The following PPP1R21 variants were observed in gnomAD, a reference collection of about 807,000 sequenced individuals.
The protein encoded by PPP1R21 is protein phosphatase 1 regulatory subunit 21.
Under a neutral mutation model 112.8 loss-of-function variants are expected in PPP1R21, and 85 were observed. That is an observed-to-expected ratio of 0.75 (90% confidence interval 0.63 to 0.90). The LOEUF (loss-of-function observed/expected upper bound fraction) is 0.90, where lower values mean the gene tolerates loss of function less well. Ranked by LOEUF, PPP1R21 falls within the 40% of genes least tolerant of loss-of-function variation. PPP1R21 has a pLI of 0.00. For missense variants in PPP1R21, 1,199 were observed against 901.5 expected (o/e 1.33, Z -4.23); for synonymous variants, 381 against 322.3 (o/e 1.18, Z -1.95).
intron 13 of PPP1R21, among the ~76,000 whole-genome samples, chr2:48,484,299 G>T (rs1558484726): frequency 6.6e-6 from 1 of 152,068 alleles, no homozygotes; most frequent in Non-Finnish European, 1.5e-5. Context: ...TGGGGGTCGT[G>T]TTGCAAATAC....
intron 14 of PPP1R21, among the ~76,000 whole-genome samples, chr2:48,489,683 G>T (rs7592742): frequency 0.77 from 116,246 of 151,758 alleles, 44,822 homozygotes; most frequent in African/African-American, 0.85. Flanking sequence ...GCTGGGCACG[G>T]TAGCTCACCT....
chr2:48,505,606 G>C lies in PPP1R21; in HGVS notation c.1968+10G>C, dbSNP rs1450702661. On this transcript the variant is annotated intron_variant, in intron 18 of 21. Coordinates refer to ENST00000294952, the MANE Select transcript of PPP1R21 (RefSeq NM_001135629.3). The stretch of plus-strand genomic sequence containing the variant: ...GACATCTGACAGTGAGGTAACATGT[G>C]CTTGTCATCATGTTGTTTGTTAGTA... 3.9e-6 allele frequency: 6 copies of C among 1,545,954 alleles called. No homozygotes were observed. In the African/African-American group the frequency reaches 5.5e-5, roughly 14 times the overall value.
chr2:48,454,646 G>A lies in PPP1R21; in HGVS notation c.178G>A (p.Asp60Asn), dbSNP rs755596902. 1 of 1,613,766 alleles carries A rather than the reference G, an allele frequency of 6.2e-7. No homozygotes were observed. Among genetic ancestry groups the A allele is most frequent in the South Asian group, 1.1e-5 (1 of 91,060 alleles). The change falls in exon 3 of 22, where the codon GAC (aspartate) becomes AAC (asparagine). Residue 60 changes from aspartate to asparagine, a missense_variant. Coordinates refer to ENST00000294952, the MANE Select transcript of PPP1R21 (RefSeq NM_001135629.3). ...QSLRKLQQEM[D>N]SLTFRNLQLA... The stretch of plus-strand genomic sequence containing the variant: ...ATTGAGAAAACTACAACAGGAAATG[G>A]ACAGTTTGACATTTCGAAATCTGCA...
chr2:48,507,498 G>C, intron 19 of PPP1R21, 113 bp downstream of exon 19: 2 of 1,474,956 alleles, frequency 1.4e-6, no homozygotes, highest in Non-Finnish European at 1.8e-6. Context: ...GTCCCAAGTA[G>C]CTGGGACTAT....
At chr2:48,481,248 C>G (rs1442958063) in intron 13 of PPP1R21, among the ~76,000 whole-genome samples, 2 of 152,218 alleles carry the variant, frequency 1.3e-5, no homozygotes, top group Admixed American at 1.3e-4. Context: ...CGTGGCCTCC[C>G]AAAGTGCTGG....
chr2:48,472,833 C>G (rs1361522451), intron 11 of PPP1R21, among the ~76,000 whole-genome samples: 2 of 151,100 alleles, frequency 1.3e-5, no homozygotes, highest in African/African-American at 2.4e-5. Context: ...TGCCTGTAGT[C>G]CTAGCTACTT....
chr2:48,471,482 A>T lies in PPP1R21; in HGVS notation c.1088+115A>T, dbSNP rs973183793. On this transcript the variant is annotated intron_variant, in intron 11 of 21. Coordinates refer to ENST00000294952, the MANE Select transcript of PPP1R21 (RefSeq NM_001135629.3). Reference sequence around the variant, plus strand: ...GTGATCTGCCTGACTTTTCTGCTTCACAGTTAATTTGGACTTCCGTGAAAA... The same window carrying T: ...GTGATCTGCCTGACTTTTCTGCTTCTCAGTTAATTTGGACTTCCGTGAAAA... The T allele has an allele frequency of 4.7e-6, 5 of 1,060,478 alleles. No homozygotes were observed. The South Asian group carries it at 9.5e-5, about 20-fold the overall frequency. 65.7% of individuals were successfully genotyped at this position (1,060,478 alleles called of 1,614,324 possible).
At chr2:48,458,460 ATAACTT>A (rs1667821139) in intron 4 of PPP1R21, among the ~76,000 whole-genome samples, 1 of 152,238 alleles carries the variant, frequency 6.6e-6, no homozygotes, top group Non-Finnish European at 1.5e-5. Flanking sequence ...GAATAGCTTT[ATAACTT>A]AACAGTGCAG....
intron 4 of PPP1R21, among the ~76,000 whole-genome samples, chr2:48,459,400 T>G (rs1017495937): frequency 6.6e-6 from 1 of 152,204 alleles, no homozygotes. Context: ...TCAATTGAAT[T>G]CTATGTATGC....
chr2:48,445,493 C>T (rs964666718), intron 1 of PPP1R21, among the ~76,000 whole-genome samples: 5 of 152,188 alleles, frequency 3.3e-5, no homozygotes, highest in Admixed American at 1.3e-4. Context: ...CCTTGTTAAA[C>T]TGCTGATTCT....
chr2:48,466,784 G>C (rs2103826274), intron 9 of PPP1R21, among the ~76,000 whole-genome samples: 1 of 152,276 alleles, frequency 6.6e-6, no homozygotes, highest in African/African-American at 2.4e-5. Flanking sequence ...GTTGGGAACA[G>C]GGTGAGGCAT....
rs199770122 is a variant in PPP1R21 at position 48,469,405 on chromosome 2, TAG to T, written c.898-1673_898-1672del. 3.7e-3 allele frequency among the ~76,000 whole-genome samples: 219 copies of T among 59,776 alleles called. 25 individuals are homozygous for T. The highest frequency in any genetic ancestry group is 6.4e-3 in the Non-Finnish European group (151 of 23,732). 39.2% of individuals were successfully genotyped at this position (59,776 alleles called of 152,430 possible). A position where few individuals can be genotyped will look rare whatever the true frequency, so the allele number is the denominator to read the frequency against. On this transcript the variant is annotated intron_variant, in intron 9 of 21. Coordinates refer to ENST00000294952, the MANE Select transcript of PPP1R21 (RefSeq NM_001135629.3). ...CATATATATATAGAGCATATATATA[TAG>T]AGAGAGAGCATATATATATAGAGCA...
intron 12 of PPP1R21, among the ~76,000 whole-genome samples, chr2:48,477,790 A>G (rs1188101535): frequency 6.6e-6 from 1 of 151,966 alleles, no homozygotes; most frequent in Non-Finnish European, 1.5e-5. Context: ...TAGGGATTGC[A>G]TTGAACTTGT....
intron 4 of PPP1R21, among the ~76,000 whole-genome samples, chr2:48,458,458 T>G (rs1667820740): frequency 6.6e-6 from 1 of 152,226 alleles, no homozygotes. Flanking sequence ...CAGAATAGCT[T>G]TATAACTTAA....
chr2:48,462,426 T>C (rs1388730391), intron 7 of PPP1R21, among the ~76,000 whole-genome samples: 1 of 152,234 alleles, frequency 6.6e-6, no homozygotes, highest in Admixed American at 6.5e-5. Context: ...AAGGACATGT[T>C]ACTGCTGGTG....
At chr2:48,450,841 T>C (rs1308296063) in intron 1 of PPP1R21, among the ~76,000 whole-genome samples, 167 bp from the exon 2 acceptor site, 3 of 152,200 alleles carry the variant, frequency 2.0e-5, no homozygotes, top group African/African-American at 7.2e-5. Context: ...AATGGTGAAT[T>C]ATTGTTATCT....
chr2:48,501,146 A>C (rs1285713034), intron 17 of PPP1R21, among the ~76,000 whole-genome samples: 5 of 152,192 alleles, frequency 3.3e-5, no homozygotes, highest in African/African-American at 1.2e-4. Context: ...ACGGTGTATA[A>C]ATGAGGTAAT....
intron 15 of PPP1R21, among the ~76,000 whole-genome samples, chr2:48,493,266 A>G (rs1472591797): frequency 2.0e-5 from 3 of 152,140 alleles, no homozygotes; most frequent in Non-Finnish European, 4.4e-5. Flanking sequence ...CGGCCTACCA[A>G]AGTGCTGGGA....
chr2:48,491,621 A>G (rs1484644939), intron 15 of PPP1R21, among the ~76,000 whole-genome samples: 2 of 152,164 alleles, frequency 1.3e-5, no homozygotes, highest in Non-Finnish European at 2.9e-5. Context: ...CTACCACCCA[A>G]ATGTAGCTAT....
Sources: allele counts gnomAD v4.1 joint callset (sites outside exome capture counted in the v4.1 genomes callset), GRCh38; gene constraint gnomAD v4.1.1; transcripts MANE v1.5; gene names NCBI Gene and HGNC (gene_info 2026-07-23, HGNC 2026-07-21).